IFI16: variants seen among roughly 807,000 people sequenced by gnomAD.
IFI16 encodes interferon gamma inducible protein 16.
A neutral mutation model predicts 68.4 loss-of-function variants in IFI16; 49 were observed. The ratio of observed to expected loss-of-function variants is 0.72; its 90% CI spans 0.57 to 0.91. The LOEUF is 0.91. Among genes scored for constraint, IFI16 ranks in the 40% least tolerant of loss-of-function variants. IFI16 has a pLI of 0.00. For missense variants in IFI16, 878 were observed against 942.9 expected, an observed-to-expected ratio of 0.93 and a Z score of 0.90; for synonymous variants, 307 against 315.0, an observed-to-expected ratio of 0.97 and a Z score of 0.27.
Position 159,053,571 on chromosome 1 carries a change from A to G in IFI16, c.2124A>G (p.Gln708=), listed in dbSNP as rs749485664. 6.2e-7 allele frequency: 1 copy of G among 1,612,754 alleles called. No individual in the cohort carries two copies. Among genetic ancestry groups the G allele is most frequent in the East Asian group, 2.2e-5 (1 of 44,870 alleles). ...VRGEFTYYEI[Q]DNTGKMEVVV... The stretch of plus-strand genomic sequence containing the variant: ...GTGAATTCACTTATTATGAAATACA[A>G]GATAATACAGGGAAGATGGAAGTGG... The change falls in exon 11 of 12, where the codon CAA becomes CAG. Residue 708 remains glutamine (Q), a synonymous_variant. Coordinates refer to ENST00000295809, the MANE Select transcript of IFI16 (RefSeq NM_001376587.1).
chr1:159,032,943 G>A (rs1395324312), intron 7 of IFI16, among the ~76,000 whole-genome samples: 2 of 151,924 alleles, frequency 1.3e-5, no homozygotes, highest in East Asian at 3.9e-4. Flanking sequence ...TATTGCTCCA[G>A]TTGTAGAGAG....
At chr1:159,045,794 A>G (rs1029366482) in intron 8 of IFI16, among the ~76,000 whole-genome samples, 2 of 151,274 alleles carry the variant, frequency 1.3e-5, no homozygotes, top group Non-Finnish European at 1.5e-5. Flanking sequence ...CCATAACACT[A>G]TCACTGATTC....
chr1:159,025,775 A>G (rs7535630), intron 6 of IFI16, among the ~76,000 whole-genome samples: 45,171 of 151,884 alleles, frequency 0.3, 9,346 homozygotes, highest in African/African-American at 0.59. Flanking sequence ...TTTTTCCGAT[A>G]TTATCTTCTA....
At chr1:159,045,063 C>T (rs1390587747) in intron 7 of IFI16, among the ~76,000 whole-genome samples, 1 of 151,944 alleles carries the variant, frequency 6.6e-6, no homozygotes. Context: ...AGTATTCCAT[C>T]CCCAGACAAT....
intron 7 of IFI16, among the ~76,000 whole-genome samples, chr1:159,041,787 G>C (rs1189146339): frequency 6.6e-6 from 1 of 152,118 alleles, no homozygotes; most frequent in African/African-American, 2.4e-5. Context: ...TCAGTATCTA[G>C]ACACATTAGC....
chr1:159,023,573 C>G (rs75784621), intron 6 of IFI16, among the ~76,000 whole-genome samples: 4,382 of 151,932 alleles, frequency 0.029, 100 homozygotes, highest in African/African-American at 0.059. Context: ...GTAAACCTAA[C>G]GTTTAAAGGA....
Position 159,053,640 on chromosome 1 carries a change from TA to T in IFI16, c.2196del (p.Lys732AsnfsTer2). ...CCACAATCAACTGTGAGGAAGGAGA[TA>T]AACTGAAACTCACCTGCTTTGAATT... ...LTTINCEEGD[K>X]LKLTCFELAP... On this transcript the variant is annotated frameshift_variant, in exon 11 of 12. Transcript: ENST00000295809. LOFTEE classifies it high-confidence loss of function. The T allele has an allele frequency of 6.2e-7, 1 of 1,614,002 alleles. No homozygotes were observed. The highest frequency in any genetic ancestry group is 2.2e-5 in the East Asian group (1 of 44,866).
chr1:159,020,249 A>G, intron 5 of IFI16, 92 bp from the exon 6 acceptor site: 1 of 872,204 alleles, frequency 1.1e-6, no homozygotes, highest in Non-Finnish European at 1.8e-6. Context: ...GCTGTTGTGC[A>G]TCTTGTTTAA....
intron 6 of IFI16, among the ~76,000 whole-genome samples, chr1:159,026,444 G>T (rs1322718127): frequency 2.0e-5 from 3 of 151,958 alleles, no homozygotes; most frequent in African/African-American, 7.3e-5. Flanking sequence ...GATTACAGGT[G>T]CTTGCCACCA....
At chr1:159,042,286 A>G (rs1341134940) in intron 7 of IFI16, among the ~76,000 whole-genome samples, 1 of 148,446 alleles carries the variant, frequency 6.7e-6, no homozygotes, top group Non-Finnish European at 1.5e-5. Context: ...ACAATTTTAT[A>G]TTTGATATCT....
In IFI16 at chr1:159,054,864, A is replaced by G. The variant is rs146249035; in HGVS notation, c.2321A>G (p.Asp774Gly). 8.4e-5 allele frequency: 135 copies of G among 1,604,882 alleles called. No homozygotes were observed. Among genetic ancestry groups the G allele is most frequent in the Non-Finnish European group, 1.1e-4 (125 of 1,173,340 alleles). ...RKNKKDILNP[D>G]SSMETSPDFF... ...AACAAGAAAGACATACTCAATCCTGATTCAAGTATGGAAACTTCACCAGAC... is the reference window on the plus strand; with the variant it reads ...AACAAGAAAGACATACTCAATCCTGGTTCAAGTATGGAAACTTCACCAGAC... The change falls in exon 12 of 12, where the codon GAT becomes GGT. Residue 774 changes from aspartate (D) to glycine (G), a missense_variant. This residue lies in a region of IFI16 where 311 missense variants were observed against 305.1 expected (regional missense o/e 1.02). Transcript: ENST00000295809.
intron 6 of IFI16, among the ~76,000 whole-genome samples, chr1:159,026,084 A>G (rs1440943216): frequency 1.3e-5 from 2 of 152,134 alleles, no homozygotes; most frequent in East Asian, 3.8e-4. Flanking sequence ...GCCTTATAGT[A>G]TACTTTGAAG....
chr1:159,013,825 A>C (rs148557946), intron 1 of IFI16, among the ~76,000 whole-genome samples: 277 of 152,354 alleles, frequency 1.8e-3, no homozygotes, highest in Non-Finnish European at 3.1e-3. Flanking sequence ...AGGTACTAGA[A>C]GTAAAAAAGA....
intron 4 of IFI16, among the ~76,000 whole-genome samples, chr1:159,017,298 G>A (rs549217000): frequency 1.3e-5 from 2 of 152,206 alleles, no homozygotes; most frequent in East Asian, 3.9e-4. Flanking sequence ...CTGAGATGAT[G>A]GCATTCTGAG....
rs112993481 is a variant in IFI16 at position 159,050,656 on chromosome 1, C to T, written c.1666-1023C>T. Among the ~76,000 whole-genome samples, 492 of 152,170 alleles carry T rather than the reference C, an allele frequency of 3.2e-3. 3 individuals carry two copies. The highest frequency in any genetic ancestry group is 0.011 in the African/African-American group (473 of 41,500). On this transcript the variant is annotated intron_variant, in intron 9 of 11. Coordinates refer to ENST00000295809, the MANE Select transcript of IFI16 (RefSeq NM_001376587.1). ...GACTCCCTTGATCCCTTCTTGCCTC[C>T]ATACCTCCTCTTCCAGATCAGCAGC...
chr1:159,039,360 G>A (rs543416601), intron 7 of IFI16, among the ~76,000 whole-genome samples: 14 of 152,188 alleles, frequency 9.2e-5, no homozygotes, highest in African/African-American at 3.4e-4. Flanking sequence ...TTGTTTGTTT[G>A]TTTGAGATAG....
intron 6 of IFI16, among the ~76,000 whole-genome samples, chr1:159,031,381 G>A (rs1463177682): frequency 6.6e-6 from 1 of 152,170 alleles, no homozygotes; most frequent in Non-Finnish European, 1.5e-5. Flanking sequence ...GTGTTCGGTC[G>A]AAACTTCAGC....
intron 5 of IFI16, among the ~76,000 whole-genome samples, chr1:159,019,320 A>T (rs1284901592): frequency 6.6e-6 from 1 of 152,056 alleles, no homozygotes; most frequent in Non-Finnish European, 1.5e-5. Context: ...CAAATTCATA[A>T]CCAGTTAGCA....
Position 159,033,317 on chromosome 1 carries a change from A to G in IFI16, c.1329+626A>G, listed in dbSNP as rs78023427. On this transcript the variant is annotated intron_variant, in intron 7 of 11. Transcript: ENST00000295809. ...ACTAATTTCATAGAAGTGAACAGAG[A>G]GACTTACTTTATAATGTGTTCCCCA... Among the ~76,000 whole-genome samples, 15 of 152,330 alleles carry G rather than the reference A, an allele frequency of 9.8e-5. No individual in the cohort carries two copies. In the East Asian group the frequency reaches 2.9e-3, roughly 29 times the overall value.
Sources: allele counts gnomAD v4.1 joint callset (sites outside exome capture counted in the v4.1 genomes callset), GRCh38; gene constraint gnomAD v4.1.1; regional missense constraint gnomAD v4.1.1; transcripts MANE v1.5; gene names NCBI Gene and HGNC (gene_info 2026-07-23, HGNC 2026-07-21).